The following ERBB4 variants were observed in gnomAD, a reference collection of about 807,000 sequenced individuals.
The protein encoded by ERBB4 is receptor tyrosine-protein kinase erbB-4.
In ERBB4, 42 loss-of-function variants were observed where a neutral mutation model predicts 158.0. The ratio of observed to expected loss-of-function variants is 0.27; its 90% CI spans 0.21 to 0.34. The LOEUF is 0.34. ERBB4 is among the 10% of genes least tolerant of loss of function. The pLI, the probability that ERBB4 is intolerant of heterozygous loss-of-function variation, is 1.00. For missense variants in ERBB4, 1,333 were observed against 1,624.1 expected (o/e 0.82, Z 3.08); for synonymous variants, 583 against 558.7 (o/e 1.04, Z -0.61).
intron 3 of ERBB4, among the ~76,000 whole-genome samples, chr2:211,918,697 GA>G (rs1456067861): frequency 6.6e-6 from 1 of 152,072 alleles, no homozygotes; most frequent in Admixed American, 6.6e-5. Flanking sequence ...AGTGAAATGT[GA>G]AATAGATATG....
chr2:212,502,183 T>C (rs1690931534), intron 1 of ERBB4, among the ~76,000 whole-genome samples: 7 of 152,106 alleles, frequency 4.6e-5, no homozygotes, highest in Admixed American at 3.9e-4. Context: ...TAATGAGCTA[T>C]AGCTTATTAT....
intron 2 of ERBB4, among the ~76,000 whole-genome samples, chr2:212,054,927 T>C (rs1241754657): frequency 6.6e-6 from 1 of 152,184 alleles, no homozygotes; most frequent in East Asian, 1.9e-4. Flanking sequence ...CAGGTTCATC[T>C]CACTGGGGCT....
At chr2:211,975,527 A>G (rs2081581525) in intron 2 of ERBB4, among the ~76,000 whole-genome samples, 1 of 152,236 alleles carries the variant, frequency 6.6e-6, no homozygotes. Context: ...GTTAGATGAC[A>G]GACCTTTCAG....
At chr2:212,101,034 C>T (rs1284037609) in intron 2 of ERBB4, among the ~76,000 whole-genome samples, 1 of 151,816 alleles carries the variant, frequency 6.6e-6, no homozygotes, top group Non-Finnish European at 1.5e-5. Context: ...TTTTTAATGG[C>T]TTTATTTATT....
At chr2:211,852,547 T>C (rs2077743728) in intron 3 of ERBB4, among the ~76,000 whole-genome samples, 1 of 151,966 alleles carries the variant, frequency 6.6e-6, no homozygotes, top group South Asian at 2.1e-4. Flanking sequence ...TCAAATTACA[T>C]TGTTTTGTTC....
intron 16 of ERBB4, among the ~76,000 whole-genome samples, chr2:211,641,032 A>G (rs932849559): frequency 2.0e-5 from 3 of 152,128 alleles, no homozygotes; most frequent in African/African-American, 4.8e-5. Flanking sequence ...TCCAAAATCT[A>G]TATCATTTCA....
chr2:211,815,428 T>C (rs1235584933), intron 3 of ERBB4, among the ~76,000 whole-genome samples: 1 of 152,190 alleles, frequency 6.6e-6, no homozygotes, highest in Non-Finnish European at 1.5e-5. Flanking sequence ...GTTCACCTTT[T>C]CCCAAAAGAG....
At chr2:212,227,947 G>A (rs952518032) in intron 1 of ERBB4, among the ~76,000 whole-genome samples, 5 of 152,264 alleles carry the variant, frequency 3.3e-5, no homozygotes, top group South Asian at 2.1e-4. Context: ...TGTCAGAGGC[G>A]GAGAGAACTC....
intron 19 of ERBB4, among the ~76,000 whole-genome samples, chr2:211,612,645 C>A (rs934958856): frequency 6.6e-5 from 10 of 151,864 alleles, no homozygotes; most frequent in African/African-American, 2.4e-4. Context: ...GAAAAGAAAT[C>A]AGGAGCTCTG....
intron 20 of ERBB4, among the ~76,000 whole-genome samples, chr2:211,539,514 T>A (rs902919696): frequency 1.3e-5 from 2 of 152,026 alleles, no homozygotes; most frequent in Admixed American, 6.6e-5. Flanking sequence ...TAGTGACTCA[T>A]ATATAATTTG....
intron 19 of ERBB4, among the ~76,000 whole-genome samples, chr2:211,594,118 G>A (rs868256661): frequency 7.9e-5 from 12 of 151,846 alleles, no homozygotes; most frequent in Middle Eastern, 3.2e-3. Context: ...GAACCCAACC[G>A]ATAACAACAA....
chr2:211,982,764 T>C (rs979561144), intron 2 of ERBB4, among the ~76,000 whole-genome samples: 1 of 152,156 alleles, frequency 6.6e-6, no homozygotes, highest in Non-Finnish European at 1.5e-5. Context: ...CAAATGGAGG[T>C]GCAAATGATT....
intron 7 of ERBB4, among the ~76,000 whole-genome samples, chr2:211,714,545 T>C (rs1031013762): frequency 6.6e-6 from 1 of 152,188 alleles, no homozygotes; most frequent in Non-Finnish European, 1.5e-5. Context: ...GAAGCATCTA[T>C]AGTGGGAAAA....
chr2:212,077,409 T>C (rs2078307012), intron 2 of ERBB4, among the ~76,000 whole-genome samples: 1 of 151,986 alleles, frequency 6.6e-6, no homozygotes, highest in Admixed American at 6.6e-5. Context: ...AAATAAATTA[T>C]GATATATTTG....
At chr2:211,464,796 G>A (rs1465773817) in intron 20 of ERBB4, among the ~76,000 whole-genome samples, 1 of 151,778 alleles carries the variant, frequency 6.6e-6, no homozygotes, top group South Asian at 2.1e-4. Flanking sequence ...GGCTGTTACA[G>A]TGGTGGCTTC....
At chr2:211,704,781 G>A (rs920186367) in intron 10 of ERBB4, among the ~76,000 whole-genome samples, 9 of 152,144 alleles carry the variant, frequency 5.9e-5, no homozygotes, top group Admixed American at 6.5e-5. Flanking sequence ...TGCAAGAGTC[G>A]TAATGTCAAA....
At chr2:212,454,540 T>G (rs1157049798) in intron 1 of ERBB4, among the ~76,000 whole-genome samples, 1 of 152,220 alleles carries the variant, frequency 6.6e-6, no homozygotes, top group East Asian at 1.9e-4. Flanking sequence ...ATTTGTGAGC[T>G]CCTGTGGAAA....
chr2:211,860,865 A>G (rs1486151182), intron 3 of ERBB4, among the ~76,000 whole-genome samples: 1 of 144,522 alleles, frequency 6.9e-6, no homozygotes, highest in Non-Finnish European at 1.5e-5. Context: ...ATAAATCATT[A>G]ATTTTATTTC....
At chr2:212,249,361 AG>A (rs2084434625) in intron 1 of ERBB4, among the ~76,000 whole-genome samples, 1 of 151,778 alleles carries the variant, frequency 6.6e-6, no homozygotes, top group Non-Finnish European at 1.5e-5. Context: ...TTTAAAATGT[AG>A]GAAGACTCTA....
Sources: gnomAD v4.1 joint callset for allele counts (sites outside exome capture counted in the v4.1 genomes callset) on GRCh38, gnomAD v4.1.1 for gene constraint, MANE v1.5 for transcripts, NCBI Gene and HGNC (gene_info 2026-07-23, HGNC 2026-07-21) for gene names.